The following CCDC33 variants were observed in gnomAD, a reference collection of about 807,000 sequenced individuals.
CCDC33 encodes the protein coiled-coil domain-containing protein 33.
Under a neutral mutation model 91.9 loss-of-function variants are expected in CCDC33, and 94 were observed. The observed-to-expected ratio is 1.02, with a 90% CI of 0.87 to 1.21. CCDC33 has a LOEUF of 1.21. Among genes scored for constraint, CCDC33 ranks in the 50% most tolerant of loss-of-function variants. The pLI is 0.00. For missense variants in CCDC33, 940 were observed against 935.5 expected (o/e 1.00, Z -0.06); for synonymous variants, 396 against 374.5 (o/e 1.06, Z -0.66).
intron 1 of CCDC33, among the ~76,000 whole-genome samples, chr15:74,240,143 C>T (rs2075301806): frequency 6.6e-6 from 1 of 152,280 alleles, no homozygotes; most frequent in African/African-American, 2.4e-5. Flanking sequence ...CAGGAGGCGC[C>T]AGCCTGGCAG....
chr15:74,235,261 T>C (rs544225873), upstream of CCDC33, among the ~76,000 whole-genome samples: 1 of 152,258 alleles, frequency 6.6e-6, no homozygotes, highest in East Asian at 1.9e-4. Flanking sequence ...GCTGGTCCTT[T>C]CAGTTCTAAT....
intron 11 of CCDC33, among the ~76,000 whole-genome samples, chr15:74,312,685 A>G (rs1206138808): frequency 6.6e-6 from 1 of 152,062 alleles, no homozygotes; most frequent in Non-Finnish European, 1.5e-5. Flanking sequence ...CTCAGATGTG[A>G]CAGTGCAACC....
chr15:74,276,811 T>G (rs2076462087), intron 7 of CCDC33, among the ~76,000 whole-genome samples: 1 of 152,246 alleles, frequency 6.6e-6, no homozygotes, highest in Non-Finnish European at 1.5e-5. Context: ...CAGTCTGGAA[T>G]GGCCTTCCTC....
intron 2 of CCDC33, among the ~76,000 whole-genome samples, chr15:74,223,880 T>A (rs2074699757): frequency 6.6e-6 from 1 of 151,990 alleles, no homozygotes; most frequent in African/African-American, 2.4e-5. Flanking sequence ...AGCCTTTTCC[T>A]TGAGTAAACA....
chr15:74,261,307 G>A (rs778006091), intron 2 of CCDC33, among the ~76,000 whole-genome samples: 10 of 152,182 alleles, frequency 6.6e-5, no homozygotes, highest in Admixed American at 2.0e-4. Context: ...TAAGTCTAAA[G>A]GGCAGAGGGA....
rs188612814 is a variant in CCDC33, at chr15:74,313,505, G to A, written c.1291-16684G>A. ...GCGATCTCAGCTCACTGCAACCTCC[G>A]CCTCCCCGGGTTCAAGCGATTCTCC... is the stretch of plus-strand genomic sequence containing the variant. On this transcript the variant is annotated intron_variant, in intron 11 of 18. Coordinates refer to ENST00000398814, the MANE Select transcript of CCDC33 (RefSeq NM_025055.5). Among the ~76,000 whole-genome samples, 214 of 135,268 alleles carry A rather than the reference G, an allele frequency of 1.6e-3. 1 individual carries two copies. Among genetic ancestry groups the A allele is most frequent in the African/African-American group, 5.3e-3 (194 of 36,824 alleles). 88.7% of individuals were successfully genotyped at this position (135,268 alleles called of 152,430 possible). A position where few individuals can be genotyped will look rare whatever the true frequency, so the allele number is the denominator to read the frequency against.
At chr15:74,208,266 T>C (rs1339015455) in intron 1 of CCDC33, among the ~76,000 whole-genome samples, 1 of 152,166 alleles carries the variant, frequency 6.6e-6, no homozygotes, top group Non-Finnish European at 1.5e-5. Context: ...AAGAAGAGGC[T>C]GTTAACATCA....
chr15:74,301,683 C>T (rs933591840), intron 11 of CCDC33: 1 of 152,244 alleles, frequency 6.6e-6, no homozygotes, highest in Non-Finnish European at 1.5e-5. Flanking sequence ...GCAAGGAAGT[C>T]TTCCTGGAGG....
intron 16 of CCDC33, 144 bp from the exon 17 acceptor site, chr15:74,333,737 C>A: frequency 1.7e-6 from 1 of 600,452 alleles, no homozygotes; most frequent in Non-Finnish European, 2.9e-6. Flanking sequence ...GAAGAGGGTT[C>A]GGCCCAGGTC....
chr15:74,285,820 G>A (rs973481827), intron 10 of CCDC33, among the ~76,000 whole-genome samples: 1 of 152,166 alleles, frequency 6.6e-6, no homozygotes, highest in African/African-American at 2.4e-5. Context: ...AGGTGAGTAC[G>A]TATATGAACA....
chr15:74,214,699 C>T (rs2074396353), upstream of CCDC33, among the ~76,000 whole-genome samples: 1 of 152,214 alleles, frequency 6.6e-6, no homozygotes, highest in Non-Finnish European at 1.5e-5. Flanking sequence ...ATTTACTACC[C>T]TCCAACACTG....
At chr15:74,217,482 T>C in exon 1 of CCDC33, 1 of 1,289,696 alleles carries the variant, frequency 7.8e-7, no homozygotes, top group Non-Finnish European at 1.0e-6. Context: ...TGGGGACCCC[T>C]TCCCTGCCTG....
chr15:74,206,115 A>G (rs2074256183), intron 1 of CCDC33, among the ~76,000 whole-genome samples: 1 of 152,138 alleles, frequency 6.6e-6, no homozygotes, highest in Non-Finnish European at 1.5e-5. Context: ...AACTCTCCCC[A>G]CAAGGCCCCC....
chr15:74,207,673 T>TG lies in CCDC33; in HGVS notation n.90-1709dup, dbSNP rs1216022775. 9.1e-6 allele frequency: 14 copies of TG among 1,530,510 alleles called. No individual in the cohort carries two copies. The East Asian group carries it at 9.8e-5, about 11-fold the overall frequency. 94.8% of individuals were successfully genotyped at this position (1,530,510 alleles called of 1,614,324 possible). Reference sequence around the variant, plus strand: ...ACACGCAAGAGAGGCGTTCCAGGAGTGGGGGGATGGCCACTGTGCCCACCT... The same window carrying TG: ...ACACGCAAGAGAGGCGTTCCAGGAGTGGGGGGGATGGCCACTGTGCCCACCT... On this transcript the variant is annotated intron_variant and non_coding_transcript_variant, in intron 1 of 3. Transcript: ENST00000558645.
rs1177360436 is a variant in CCDC33, at chr15:74,209,437, T to C, written n.139T>C. On this transcript the variant is annotated non_coding_transcript_exon_variant, in exon 2 of 4. Coordinates refer to the CCDC33 transcript ENST00000558645. ...AGAGGGGAACCACCAGCTCGGCTCT[T>C]AATAACCGGATCTGCATCCTGCTGC... The C allele has an allele frequency of 7.2e-6, 11 of 1,535,528 alleles. No individual in the cohort carries two copies. The East Asian group carries it at 2.4e-4, about 34-fold the overall frequency.
intron 2 of CCDC33, among the ~76,000 whole-genome samples, chr15:74,228,673 C>G (rs757932631): frequency 6.6e-6 from 1 of 152,200 alleles, no homozygotes; most frequent in Non-Finnish European, 1.5e-5. Context: ...GGCATGGGAG[C>G]GAGGAGGTTG....
chr15:74,264,351 G>A (rs1458982750), intron 3 of CCDC33, among the ~76,000 whole-genome samples: 1 of 152,208 alleles, frequency 6.6e-6, no homozygotes, highest in Non-Finnish European at 1.5e-5. Flanking sequence ...CACACAAAGG[G>A]AACGGTGGGA....
intron 11 of CCDC33, among the ~76,000 whole-genome samples, chr15:74,312,662 G>T (rs1243159850): frequency 6.6e-6 from 1 of 152,124 alleles, no homozygotes; most frequent in African/African-American, 2.4e-5. Context: ...GAGTGTGTGC[G>T]TCCTGCCTCC....
At chr15:74,317,478 T>C (rs2060111369) in intron 11 of CCDC33, among the ~76,000 whole-genome samples, 1 of 152,218 alleles carries the variant, frequency 6.6e-6, no homozygotes, top group Non-Finnish European at 1.5e-5. Flanking sequence ...CCCAACCCTG[T>C]GCAGAGTGCT....
Sources: allele counts gnomAD v4.1 joint callset (sites outside exome capture counted in the v4.1 genomes callset), GRCh38; gene constraint gnomAD v4.1.1; transcripts MANE v1.5; gene names NCBI Gene and HGNC (gene_info 2026-07-23, HGNC 2026-07-21).